Variants in NADK2 observed in about 807,000 individuals in gnomAD.
The protein encoded by NADK2 is NAD kinase 2, mitochondrial.
A neutral mutation model predicts 62.1 loss-of-function variants in NADK2; 35 were observed. The ratio of observed to expected loss-of-function variants is 0.56; its 90% CI spans 0.43 to 0.75. The LOEUF (loss-of-function observed/expected upper bound fraction) is 0.75. Ranked by LOEUF, NADK2 falls within the 30% of genes least tolerant of loss-of-function variation. The pLI, the probability that NADK2 is intolerant of heterozygous loss-of-function variation, is 0.00. For missense variants in NADK2, 439 were observed against 561.3 expected (o/e 0.78, Z 2.20); for synonymous variants, 205 against 207.9 (o/e 0.99, Z 0.12).
intron 9 of NADK2, 130 bp downstream of exon 9, chr5:36,200,976 G>A (rs1579597830): frequency 2.8e-6 from 2 of 702,122 alleles, no homozygotes; most frequent in Non-Finnish European, 4.8e-6. Context: ...ATATTGTGAA[G>A]AAAGAAAAAG....
At chr5:36,229,681 A>C (rs1485449599) in intron 1 of NADK2, among the ~76,000 whole-genome samples, 1 of 151,234 alleles carries the variant, frequency 6.6e-6, no homozygotes, top group Admixed American at 6.6e-5. Flanking sequence ...CTATCTCCCA[A>C]CCCGGCCTAT....
chr5:36,206,797 C>T (rs925458471), intron 8 of NADK2, among the ~76,000 whole-genome samples: 3 of 152,118 alleles, frequency 2.0e-5, no homozygotes, highest in Non-Finnish European at 2.9e-5. Flanking sequence ...CATAGGGATG[C>T]ACCAGGTTAT....
At chr5:36,209,962 G>A (rs955635541) in intron 7 of NADK2, among the ~76,000 whole-genome samples, 2 of 152,102 alleles carry the variant, frequency 1.3e-5, no homozygotes, top group African/African-American at 2.4e-5. Flanking sequence ...GGCACAACCC[G>A]AGTTGAGTCA....
intron 8 of NADK2, among the ~76,000 whole-genome samples, chr5:36,204,746 T>TA (rs1746571795): frequency 6.6e-6 from 1 of 152,064 alleles, no homozygotes; most frequent in African/African-American, 2.4e-5. Context: ...ACTATTTGGC[T>TA]AAGTTTTTTT....
At chr5:36,195,911 G>GTGCC (rs1746214275) in intron 11 of NADK2, among the ~76,000 whole-genome samples, 1 of 152,148 alleles carries the variant, frequency 6.6e-6, no homozygotes, top group Non-Finnish European at 1.5e-5. Flanking sequence ...ATGCACAGTG[G>GTGCC]TGCCTGTCTT....
At chr5:36,212,720 T>C (rs1324825892) in intron 6 of NADK2, among the ~76,000 whole-genome samples, 1 of 152,222 alleles carries the variant, frequency 6.6e-6, no homozygotes, top group African/African-American at 2.4e-5. Flanking sequence ...GTGACAAGTT[T>C]GCTGTCAGAC....
chr5:36,208,483 G>A (rs1746720882), intron 7 of NADK2: 2 of 615,058 alleles, frequency 3.3e-6, no homozygotes, highest in African/African-American at 1.8e-5. Context: ...AGAAAGACAA[G>A]TACAGTCAGG....
chr5:36,233,013 A>G (rs554510442), intron 1 of NADK2, among the ~76,000 whole-genome samples: 1 of 152,306 alleles, frequency 6.6e-6, no homozygotes, highest in East Asian at 1.9e-4. Flanking sequence ...CATCATTTAC[A>G]TGAGCAACTT....
Position 36,241,151 on chromosome 5 carries a change from G to A in NADK2, c.300+348C>T, listed in dbSNP as rs1748098324. On this transcript the variant is annotated intron_variant, in intron 1 of 11. Coordinates refer to ENST00000381937, the MANE Select transcript of NADK2 (RefSeq NM_001085411.3). The surrounding 1 kb of genome is among the most constrained non-coding windows in gnomAD (Gnocchi z 4.9). The stretch of plus-strand genomic sequence containing the variant: ...TTGGAGTGGGTCCCAACCAGGGAAC[G>A]AGGGCGGGGGCGGCGAGGGCACCAA... Among the ~76,000 whole-genome samples, 1 of 152,172 alleles carries A rather than the reference G, an allele frequency of 6.6e-6. No individual in the cohort carries two copies. The highest frequency in any genetic ancestry group is 6.5e-5 in the Admixed American group (1 of 15,290).
At position 36,241,430 on chromosome 5, in the gene NADK2, G is replaced by A. The variant is rs893866831; in HGVS notation, c.300+69C>T. 22 of 1,459,730 alleles carry A rather than the reference G, an allele frequency of 1.5e-5. No individual in the cohort carries two copies. The highest frequency in any genetic ancestry group is 2.9e-5 in the East Asian group (1 of 34,440). 90.4% of individuals were successfully genotyped at this position (1,459,730 alleles called of 1,614,324 possible). ...AAGAGTCGTCCCGAGAGGTCCCCCC[G>A]AGGGGGCGCAGCCGCCACCAGAGCC... On this transcript the variant is annotated intron_variant, in intron 1 of 11. Coordinates refer to ENST00000381937, the MANE Select transcript of NADK2 (RefSeq NM_001085411.3). This position sits in a 1 kb window ranked among gnomAD's most constrained non-coding sequence, Gnocchi z 4.9.
chr5:36,233,622 T>C (rs1164871295), intron 1 of NADK2, among the ~76,000 whole-genome samples: 2 of 152,244 alleles, frequency 1.3e-5, no homozygotes, highest in Admixed American at 6.5e-5. Flanking sequence ...TTCTTCCCTG[T>C]TATCTTTTAT....
chr5:36,195,041 G>T lies in NADK2; in HGVS notation c.*103C>A. On this transcript the variant is annotated 3_prime_UTR_variant, in exon 12 of 12. Coordinates refer to ENST00000381937, the MANE Select transcript of NADK2 (RefSeq NM_001085411.3). Reference sequence around the variant, plus strand: ...ATCTCACTTCTGAGCCCACGGGCAAGCAGTCTCAACAATAACCAAAAAATG... The same window carrying T: ...ATCTCACTTCTGAGCCCACGGGCAATCAGTCTCAACAATAACCAAAAAATG... 8.2e-7 allele frequency: 1 copy of T among 1,222,314 alleles called. No individual in the cohort carries two copies. The highest frequency in any genetic ancestry group is 1.1e-6 in the Non-Finnish European group (1 of 884,074). The allele number at this position is 1,222,314 out of a possible 1,614,324, so 75.7% of individuals were successfully genotyped here. A position where few individuals can be genotyped will look rare whatever the true frequency, so the allele number is the denominator to read the frequency against.
intron 1 of NADK2, among the ~76,000 whole-genome samples, chr5:36,234,220 A>T (rs1747813398): frequency 6.6e-6 from 1 of 151,626 alleles, no homozygotes; most frequent in Admixed American, 6.6e-5. Context: ...TAAAAATACA[A>T]AAATTAGCCG....
chr5:36,195,815 A>G (rs1179469758), intron 11 of NADK2, among the ~76,000 whole-genome samples: 1 of 152,102 alleles, frequency 6.6e-6, no homozygotes, highest in Non-Finnish European at 1.5e-5. Context: ...CTCCCTCCTC[A>G]AGCATACGCA....
chr5:36,237,258 C>T (rs1035840626), intron 1 of NADK2, among the ~76,000 whole-genome samples: 1 of 151,780 alleles, frequency 6.6e-6, no homozygotes, highest in African/African-American at 2.4e-5. Flanking sequence ...TAAATTAGGA[C>T]ACAAAATAAA....
In NADK2 at chr5:36,241,401, TG is replaced by T; in HGVS notation, c.300+97del. ...GGCAGGACCGGCATCTGCGGTGCCC[TG>T]GGAAGAGTCGTCCCGAGAGGTCCCC... On this transcript the variant is annotated intron_variant, in intron 1 of 11. Coordinates refer to ENST00000381937, the MANE Select transcript of NADK2 (RefSeq NM_001085411.3). This position sits in a 1 kb window ranked among gnomAD's most constrained non-coding sequence, Gnocchi z 4.9. 7.2e-7 allele frequency: 1 copy of T among 1,390,172 alleles called. No homozygotes were observed. The highest frequency in any genetic ancestry group is 9.3e-7 in the Non-Finnish European group (1 of 1,075,072). 86.1% of individuals were successfully genotyped at this position (1,390,172 alleles called of 1,614,324 possible). A position where few individuals can be genotyped will look rare whatever the true frequency, so the allele number is the denominator to read the frequency against.
chr5:36,235,383 T>G (rs1747863955), intron 1 of NADK2, among the ~76,000 whole-genome samples: 1 of 152,214 alleles, frequency 6.6e-6, no homozygotes, highest in Non-Finnish European at 1.5e-5. Context: ...TAAACTGGAA[T>G]TAGATTATGC....
intron 4 of NADK2, among the ~76,000 whole-genome samples, chr5:36,223,685 TCTAAGGCAAAAG>T (rs1747362854): frequency 6.6e-6 from 1 of 152,188 alleles, no homozygotes; most frequent in East Asian, 1.9e-4. Flanking sequence ...ATCACTGATC[TCTAAGGCAAAAG>T]CAACGTCAAT....
At chr5:36,233,355 C>A (rs913115488) in intron 1 of NADK2, among the ~76,000 whole-genome samples, 1 of 152,118 alleles carries the variant, frequency 6.6e-6, no homozygotes, top group African/African-American at 2.4e-5. Context: ...GAAAAATTGA[C>A]CCTCATCACC....
Sources: gnomAD v4.1 joint callset for allele counts (sites outside exome capture counted in the v4.1 genomes callset) on GRCh38, gnomAD v4.1.1 for gene constraint, Gnocchi (gnomAD v3.1) non-coding constraint, MANE v1.5 for transcripts, NCBI Gene and HGNC (gene_info 2026-07-23, HGNC 2026-07-21) for gene names.